The following TERF1 variants were observed in gnomAD, a reference collection of about 807,000 sequenced individuals.
TERF1 encodes telomeric repeat binding factor 1.
A neutral mutation model predicts 55.1 loss-of-function variants in TERF1; 20 were observed. The ratio of observed to expected loss-of-function variants is 0.36; its 90% CI spans 0.26 to 0.53. The LOEUF (loss-of-function observed/expected upper bound fraction) is 0.53, where lower values mean the gene tolerates loss of function less well. Among genes scored for constraint, TERF1 ranks in the 20% least tolerant of loss-of-function variants. The pLI is 0.91. For synonymous variants in TERF1, 168 were observed against 181.2 expected (o/e 0.93, Z 0.59); for missense variants, 439 against 535.7 (o/e 0.82, Z 1.78).
chr8:73,045,105 T>A (rs1322629308), intron 9 of TERF1, among the ~76,000 whole-genome samples: 1 of 152,202 alleles, frequency 6.6e-6, no homozygotes, highest in African/African-American at 2.4e-5. Context: ...ACTGTCATAC[T>A]GTTTTCCATA....
chr8:73,042,598 A>G lies in TERF1; in HGVS notation c.1144-3363A>G, dbSNP rs553586509. ...CTTTTATAAACTTATTCCATTAAAG[A>G]AGAAAAGTAAATGCCTTTCAAACTG... is the stretch of plus-strand genomic sequence containing the variant. On this transcript the variant is annotated intron_variant, in intron 9 of 9. Transcript: ENST00000276603. 3.0e-4 allele frequency among the ~76,000 whole-genome samples: 46 copies of G among 152,342 alleles called. 1 individual carries two copies. In the South Asian group the frequency reaches 9.3e-3, roughly 31 times the overall value.
At chr8:73,020,080 C>T (rs1808685914) in intron 2 of TERF1, among the ~76,000 whole-genome samples, 1 of 152,078 alleles carries the variant, frequency 6.6e-6, no homozygotes, top group Non-Finnish European at 1.5e-5. Flanking sequence ...ACTGAGTGAT[C>T]AATAAATATT....
At chr8:73,028,477 T>C (rs1809120008) in intron 6 of TERF1, among the ~76,000 whole-genome samples, 1 of 152,112 alleles carries the variant, frequency 6.6e-6, no homozygotes, top group Admixed American at 6.5e-5. Flanking sequence ...TAAATCTCTT[T>C]AGATCACTCC....
chr8:73,041,337 A>G (rs578125703), intron 9 of TERF1, among the ~76,000 whole-genome samples: 3 of 152,230 alleles, frequency 2.0e-5, no homozygotes, highest in African/African-American at 7.2e-5. Context: ...GGGTTTCCCT[A>G]GAGACTGCTT....
At chr8:73,009,717 A>T (rs1808202207) in intron 1 of TERF1, 1 of 153,424 alleles carries the variant, frequency 6.5e-6, no homozygotes, top group Non-Finnish European at 1.5e-5. Flanking sequence ...GCTACTTGGG[A>T]GCCTGAGGTG....
intron 6 of TERF1, among the ~76,000 whole-genome samples, chr8:73,027,474 GA>G (rs1284627412): frequency 6.6e-6 from 1 of 152,158 alleles, no homozygotes; most frequent in African/African-American, 2.4e-5. Context: ...CTCAACTGAA[GA>G]AATAGTGATT....
At chr8:73,017,952 G>A (rs905844013) in intron 2 of TERF1, among the ~76,000 whole-genome samples, 6 of 152,158 alleles carry the variant, frequency 3.9e-5, no homozygotes, top group East Asian at 3.9e-4. Flanking sequence ...CTCGTGATCC[G>A]CCTGCCTTGG....
At chr8:73,024,658 A>G (rs1808902527) in intron 4 of TERF1, among the ~76,000 whole-genome samples, 164 bp from the exon 5 acceptor site, 1 of 148,614 alleles carries the variant, frequency 6.7e-6, no homozygotes, top group South Asian at 2.1e-4. Context: ...AGAAGAAGTC[A>G]GAAAAAGGTA....
At chr8:73,026,832 C>T (rs190117583) in intron 5 of TERF1, 108 bp from the exon 6 acceptor site, 1 of 814,534 alleles carries the variant, frequency 1.2e-6, no homozygotes, top group Admixed American at 2.4e-5. Flanking sequence ...TGAACAGATA[C>T]ATTAGCTATG....
intron 2 of TERF1, among the ~76,000 whole-genome samples, chr8:73,018,348 G>T (rs1808611643): frequency 6.6e-6 from 1 of 152,176 alleles, no homozygotes; most frequent in African/African-American, 2.4e-5. Context: ...GCTCACTCTG[G>T]TTTTTCAAGG....
In TERF1 at chr8:73,039,770, G is replaced by GGTGTGTGTGTGT. The variant is rs35184446; in HGVS notation, c.1143+586_1143+597dup. Among the ~76,000 whole-genome samples, 422 of 136,434 alleles carry GGTGTGTGTGTGT rather than the reference G, an allele frequency of 3.1e-3. 1 individual carries two copies. Among genetic ancestry groups the GGTGTGTGTGTGT allele is most frequent in the African/African-American group, 6.3e-3 (231 of 36,724 alleles). 89.5% of individuals were successfully genotyped at this position (136,434 alleles called of 152,430 possible). A position where few individuals can be genotyped will look rare whatever the true frequency, so the allele number is the denominator to read the frequency against. The stretch of plus-strand genomic sequence containing the variant: ...GGATAAATCTGGTCTTTGTTTTTGT[G>GGTGTGTGTGTGT]GTGTGTGTGTGTGTGTGTGTGTGTG... On this transcript the variant is annotated intron_variant, in intron 9 of 9. Coordinates refer to ENST00000276603, the MANE Select transcript of TERF1 (RefSeq NM_017489.3).
At chr8:73,020,604 T>TA in intron 2 of TERF1, 80 bp from the exon 3 acceptor site, 2 of 1,263,606 alleles carry the variant, frequency 1.6e-6, no homozygotes, top group Admixed American at 4.8e-5. Flanking sequence ...TCAGTAAATA[T>TA]TTAAAGGAAT....
Position 73,024,978 on chromosome 8 carries a change from ATAT to A in TERF1, c.774+12_774+14del, listed in dbSNP as rs1808918426. ...ATCAACCTTTCTAATGAAGGTATAC[ATAT>A]TATTCAAGAGTGACTAATAATAGAC... On this transcript the variant is annotated splice_region_variant and intron_variant, in intron 5 of 9. Transcript: ENST00000276603. The A allele has an allele frequency of 1.3e-6, 2 of 1,518,790 alleles. No homozygotes were observed. The highest frequency in any genetic ancestry group is 1.8e-6 in the Non-Finnish European group (2 of 1,122,980). 94.1% of individuals were successfully genotyped at this position (1,518,790 alleles called of 1,614,324 possible).
At chr8:73,014,721 T>G (rs1204315783) in intron 2 of TERF1, among the ~76,000 whole-genome samples, 1 of 152,226 alleles carries the variant, frequency 6.6e-6, no homozygotes, top group Non-Finnish European at 1.5e-5. Flanking sequence ...TAAAACTGCT[T>G]GCTTATTGAA....
At chr8:73,044,694 A>G (rs1006709677) in intron 9 of TERF1, among the ~76,000 whole-genome samples, 1 of 152,184 alleles carries the variant, frequency 6.6e-6, no homozygotes. Flanking sequence ...CTCCTTAAAC[A>G]GTAAGTCCAT....
chr8:73,032,612 C>T (rs576353135), intron 8 of TERF1, among the ~76,000 whole-genome samples: 1 of 151,796 alleles, frequency 6.6e-6, no homozygotes, highest in East Asian at 1.9e-4. Context: ...TGTAAGTGTA[C>T]TCTTAATAAT....
chr8:73,041,702 G>A (rs1361373383), intron 9 of TERF1, among the ~76,000 whole-genome samples: 1 of 152,182 alleles, frequency 6.6e-6, no homozygotes, highest in East Asian at 1.9e-4. Flanking sequence ...ATTTCTAATT[G>A]GGGAGTATTT....
chr8:73,025,060 T>C, intron 5 of TERF1, 89 bp downstream of exon 5: 1 of 838,668 alleles, frequency 1.2e-6, no homozygotes. Context: ...TCCTTTAAAA[T>C]TAATCAGAAT....
At chr8:73,034,442 T>G (rs1471002770) in intron 8 of TERF1, among the ~76,000 whole-genome samples, 1 of 151,604 alleles carries the variant, frequency 6.6e-6, no homozygotes, top group African/African-American at 2.4e-5. Context: ...CTTTTTGTGT[T>G]TTTTGTAGAG....
Sources: allele counts gnomAD v4.1 joint callset (sites outside exome capture counted in the v4.1 genomes callset), GRCh38; gene constraint gnomAD v4.1.1; transcripts MANE v1.5; gene names NCBI Gene and HGNC (gene_info 2026-07-23, HGNC 2026-07-21).